The following RSAD2 variants were observed in gnomAD, a reference collection of about 807,000 sequenced individuals.
RSAD2 encodes radical S-adenosyl methionine domain containing 2.
A neutral mutation model predicts 37.7 loss-of-function variants in RSAD2; 38 were observed. The observed-to-expected ratio is 1.01, with a 90% CI of 0.78 to 1.32. The LOEUF (loss-of-function observed/expected upper bound fraction) is 1.32, where lower values mean the gene tolerates loss of function less well. Ranked by LOEUF, RSAD2 falls within the 40% of genes most tolerant of loss-of-function variation. The probability of loss-of-function intolerance (pLI) is 0.00; values close to 1 mark genes in which losing one functional copy is unlikely to be tolerated. For synonymous variants in RSAD2, 163 were observed against 157.4 expected, an observed-to-expected ratio of 1.04 and a Z score of -0.27; for missense variants, 428 against 437.5, an observed-to-expected ratio of 0.98 and a Z score of 0.19.
rs563398436 is a variant in RSAD2, at chr2:6,894,559, TG to T, written c.921+859del. Among the ~76,000 whole-genome samples the T allele has an allele frequency of 3.3e-5, 5 of 152,188 alleles. No individual in the cohort carries two copies. In the South Asian group the frequency reaches 1.0e-3, roughly 31 times the overall value. The stretch of plus-strand genomic sequence containing the variant: ...TTGGCTCACTGCAGCCTCAGCCACC[TG>T]GGCTCAGGTGATCCTTCTGCCTCAG... On this transcript the variant is annotated intron_variant, in intron 5 of 5. Coordinates refer to ENST00000382040, the MANE Select transcript of RSAD2 (RefSeq NM_080657.5).
chr2:6,887,572 A>G (rs1447586988), intron 3 of RSAD2, among the ~76,000 whole-genome samples: 1 of 152,214 alleles, frequency 6.6e-6, no homozygotes, highest in African/African-American at 2.4e-5. Flanking sequence ...TCTAGAAGAC[A>G]TTAGGGTTAA....
upstream of RSAD2, chr2:6,877,637 G>T: frequency 1.6e-6 from 1 of 609,582 alleles, no homozygotes; most frequent in Non-Finnish European, 2.9e-6. Flanking sequence ...TCAACTTTCA[G>T]TTTCACATGT....
chr2:6,874,072 C>T (rs542593701), upstream of RSAD2, among the ~76,000 whole-genome samples: 26 of 152,132 alleles, frequency 1.7e-4, no homozygotes, highest in African/African-American at 6.3e-4. Context: ...TGGTACTGTC[C>T]CCAGGATAGT....
chr2:6,879,821 A>G (rs114405758), intron 1 of RSAD2, among the ~76,000 whole-genome samples: 1,949 of 152,280 alleles, frequency 0.013, 44 homozygotes, highest in African/African-American at 0.042. Context: ...TGCATGAGTG[A>G]GTGAATAAGG....
At chr2:6,893,140 G>C (rs1345979640) in intron 4 of RSAD2, among the ~76,000 whole-genome samples, 1 of 152,110 alleles carries the variant, frequency 6.6e-6, no homozygotes, top group Non-Finnish European at 1.5e-5. Flanking sequence ...AGGTATAGAA[G>C]GAATACCTTC....
intron 1 of RSAD2, among the ~76,000 whole-genome samples, chr2:6,880,257 C>T (rs1663372038): frequency 6.6e-6 from 1 of 152,104 alleles, no homozygotes; most frequent in Admixed American, 6.5e-5. Context: ...GCTCCACAGT[C>T]AAGGACAGGT....
Position 6,890,327 on chromosome 2 carries a change from TTG to T in RSAD2, c.888+4_888+5del. ...TTGGTGCCTGAATCTAACCAGAAGG[TTG>T]TATAAAGCAAAAGTTGTTTTCTTTG... On this transcript the variant is annotated splice_donor_region_variant and intron_variant, in intron 4 of 5. Coordinates refer to ENST00000382040, the MANE Select transcript of RSAD2 (RefSeq NM_080657.5). The T allele has an allele frequency of 6.2e-7, 1 of 1,613,528 alleles. No individual in the cohort carries two copies. The highest frequency in any genetic ancestry group is 8.5e-7 in the Non-Finnish European group (1 of 1,179,732).
intron 1 of RSAD2, among the ~76,000 whole-genome samples, chr2:6,866,977 G>A (rs1329057949): frequency 6.6e-6 from 1 of 152,190 alleles, no homozygotes; most frequent in African/African-American, 2.4e-5. Flanking sequence ...AAATTTTTTA[G>A]CTCTTTGAGA....
At position 6,890,316 on chromosome 2, in the gene RSAD2, T is replaced by C. The variant is rs960931992; in HGVS notation, c.879T>C (p.Ser293=). Residue 293 remains serine, a synonymous_variant, in exon 4 of 6, where the codon TCT becomes TCC. Coordinates refer to ENST00000382040, the MANE Select transcript of RSAD2 (RefSeq NM_080657.5). ...AAGTGTCCTGCTTGGTGCCTGAATCTAACCAGAAGGTTGTATAAAGCAAAA... is the reference window on the plus strand; with the variant it reads ...AAGTGTCCTGCTTGGTGCCTGAATCCAACCAGAAGGTTGTATAAAGCAAAA... ...HKEVSCLVPE[S]NQKMKDSYLI... is the part of the protein sequence containing the mutation. 6.1e-5 allele frequency: 99 copies of C among 1,613,954 alleles called. No individual in the cohort carries two copies. Among genetic ancestry groups the C allele is most frequent in the Non-Finnish European group, 8.0e-5 (94 of 1,179,974 alleles).
exon 1 of RSAD2, chr2:6,865,896 G>A (rs1320729872): frequency 2.1e-6 from 3 of 1,408,790 alleles, no homozygotes; most frequent in Non-Finnish European, 2.8e-6. Flanking sequence ...TCTCCTCCTC[G>A]CCGCGAGATG....
Position 6,893,662 on chromosome 2 carries a change from C to T in RSAD2, c.889-9C>T, listed in dbSNP as rs1572161912. 1 of 1,605,514 alleles carries T rather than the reference C, an allele frequency of 6.2e-7. No homozygotes were observed. On this transcript the variant is annotated splice_polypyrimidine_tract_variant and intron_variant, in intron 4 of 5. Coordinates refer to ENST00000382040, the MANE Select transcript of RSAD2 (RefSeq NM_080657.5). ...TGAAACTAAATTTGTATTAACTTCTCCTTTGCAGATGAAAGACTCCTACCT... is the reference window on the plus strand; with the variant it reads ...TGAAACTAAATTTGTATTAACTTCTTCTTTGCAGATGAAAGACTCCTACCT...
Position 6,883,652 on chromosome 2 carries a change from A to T in RSAD2, c.508+120A>T. The T allele has an allele frequency of 2.6e-6, 3 of 1,135,564 alleles. No individual in the cohort carries two copies. In the South Asian group the frequency reaches 4.6e-5, roughly 18 times the overall value. The allele number at this position is 1,135,564 out of a possible 1,614,324, so 70.3% of individuals were successfully genotyped here. On this transcript the variant is annotated intron_variant, in intron 2 of 5. Coordinates refer to ENST00000382040, the MANE Select transcript of RSAD2 (RefSeq NM_080657.5). ...GCTGAGGAACTGGAAGGGAGGAAAAACTAATCTTGCTTACTCTAATTGCTT... is the reference window on the plus strand; with the variant it reads ...GCTGAGGAACTGGAAGGGAGGAAAATCTAATCTTGCTTACTCTAATTGCTT...
At chr2:6,886,499 T>C (rs1663524135) in intron 2 of RSAD2, among the ~76,000 whole-genome samples, 1 of 152,206 alleles carries the variant, frequency 6.6e-6, no homozygotes, top group Admixed American at 6.5e-5. Context: ...CGGATGAACT[T>C]AGCAAAAATA....
In RSAD2 at chr2:6,896,032, C is replaced by T. The variant is rs1663769053; in HGVS notation, c.*90C>T. The T allele has an allele frequency of 7.6e-7, 1 of 1,317,806 alleles. No homozygotes were observed. The highest frequency in any genetic ancestry group is 1.0e-6 in the Non-Finnish European group (1 of 961,094). The allele number at this position is 1,317,806 out of a possible 1,614,324, so 81.6% of individuals were successfully genotyped here. ...TGCAATACTATCCCGTTGGTATTTC[C>T]CAGTGGCTGAAAACCTGATTTTCTG... On this transcript the variant is annotated 3_prime_UTR_variant, in exon 6 of 6. Transcript: ENST00000382040.
rs745509839 is a variant in RSAD2, at chr2:6,890,173, C to T, written c.739-3C>T. On this transcript the variant is annotated splice_polypyrimidine_tract_variant and splice_region_variant and intron_variant, in intron 3 of 5. Transcript: ENST00000382040. ...CAAAGCAAACACTACCATTGCCTTT[C>T]AGGTGTTCCAGTGCCTCTTAATTGA... The T allele has an allele frequency of 1.1e-5, 17 of 1,613,854 alleles. 1 individual carries two copies. In the South Asian group the frequency reaches 1.6e-4, roughly 16 times the overall value.
chr2:6,892,778 A>T (rs939945951), intron 4 of RSAD2, among the ~76,000 whole-genome samples: 2 of 152,214 alleles, frequency 1.3e-5, no homozygotes, highest in Non-Finnish European at 2.9e-5. Context: ...ATTCAATAGC[A>T]GGTCTGCTCC....
At chr2:6,869,297 GT>G (rs1376585887) in intron 1 of RSAD2, among the ~76,000 whole-genome samples, 1 of 152,054 alleles carries the variant, frequency 6.6e-6, no homozygotes, top group African/African-American at 2.4e-5. Flanking sequence ...ATGCTCCTGA[GT>G]CTTATGAGTC....
chr2:6,891,839 G>C (rs1429864137), intron 4 of RSAD2, among the ~76,000 whole-genome samples: 1 of 152,156 alleles, frequency 6.6e-6, no homozygotes, highest in African/African-American at 2.4e-5. Context: ...TACAGAGAAT[G>C]AGTAAGTCTG....
chr2:6,894,337 A>G (rs1036361562), intron 5 of RSAD2, among the ~76,000 whole-genome samples: 1 of 152,196 alleles, frequency 6.6e-6, no homozygotes, highest in Non-Finnish European at 1.5e-5. Context: ...TCTTCCTAGC[A>G]AAGGACAAAT....
Sources: gnomAD v4.1 joint callset for allele counts (sites outside exome capture counted in the v4.1 genomes callset) on GRCh38, gnomAD v4.1.1 for gene constraint, MANE v1.5 for transcripts, NCBI Gene and HGNC (gene_info 2026-07-23, HGNC 2026-07-21) for gene names.